The following ENOX1 variants were observed in gnomAD, a reference collection of about 807,000 sequenced individuals.
ENOX1 encodes the protein ecto-NOX disulfide-thiol exchanger 1.
Under a neutral mutation model 82.5 loss-of-function variants are expected in ENOX1, and 42 were observed. The observed-to-expected ratio is 0.51, with a 90% CI of 0.40 to 0.66. The LOEUF is 0.66. Among genes scored for constraint, ENOX1 ranks in the 30% least tolerant of loss-of-function variants. The probability of loss-of-function intolerance (pLI) is 0.00; values close to 1 mark genes in which losing one functional copy is unlikely to be tolerated. For missense variants in ENOX1, 608 were observed against 811.6 expected (o/e 0.75, Z 3.05); for synonymous variants, 271 against 282.2 (o/e 0.96, Z 0.40).
chr13:43,358,199 G>C lies in ENOX1; in HGVS notation c.589+1652C>G, dbSNP rs372137135. Among the ~76,000 whole-genome samples, 46 of 152,258 alleles carry C rather than the reference G, an allele frequency of 3.0e-4. 2 individuals are homozygous for C. The East Asian group carries it at 8.1e-3, about 27-fold the overall frequency. On this transcript the variant is annotated intron_variant, in intron 7 of 16. Transcript: ENST00000690772. Reference sequence around the variant, plus strand: ...AGTGTCTTATGAGGCTTCTGATTGGGTGTGAACATTGTGTTGTATTAGTGT... The same window carrying C: ...AGTGTCTTATGAGGCTTCTGATTGGCTGTGAACATTGTGTTGTATTAGTGT...
intron 2 of ENOX1, among the ~76,000 whole-genome samples, chr13:43,623,248 C>T (rs192845185): frequency 2.0e-5 from 3 of 152,244 alleles, no homozygotes; most frequent in Admixed American, 6.5e-5. Flanking sequence ...ACCGGATTTG[C>T]GCCCTCCTTT....
rs538836782 is a variant in ENOX1 at position 43,348,276 on chromosome 13, C to T, written c.824-3526G>A. 1.9e-4 allele frequency among the ~76,000 whole-genome samples: 29 copies of T among 152,326 alleles called. No individual in the cohort carries two copies. The South Asian group carries it at 5.0e-3, about 26-fold the overall frequency. ...CATATCCTGCTATTAAAGCATTAGT[C>T]GCACTGTATGGTAATTGTTGGTTTA... On this transcript the variant is annotated intron_variant, in intron 8 of 16. Coordinates refer to ENST00000690772, the MANE Select transcript of ENOX1 (RefSeq NM_001347969.2).
chr13:43,392,780 A>T (rs956067869), intron 5 of ENOX1, among the ~76,000 whole-genome samples: 3 of 152,202 alleles, frequency 2.0e-5, no homozygotes, highest in Non-Finnish European at 4.4e-5. Flanking sequence ...TTTTGGTTTC[A>T]TGTTTACAAA....
At chr13:43,541,075 CTGT>C (rs1378127668) in intron 2 of ENOX1, among the ~76,000 whole-genome samples, 3 of 150,904 alleles carry the variant, frequency 2.0e-5, no homozygotes, top group Non-Finnish European at 4.4e-5. Context: ...CTGCATATCA[CTGT>C]TGTCTTATTT....
intron 3 of ENOX1, among the ~76,000 whole-genome samples, chr13:43,419,970 C>T (rs2054878029): frequency 6.6e-6 from 1 of 152,080 alleles, no homozygotes; most frequent in Non-Finnish European, 1.5e-5. Context: ...AACTCCATCT[C>T]AAAAAGAAAA....
chr13:43,719,679 G>A (rs1395557649), intron 1 of ENOX1, among the ~76,000 whole-genome samples: 1 of 151,984 alleles, frequency 6.6e-6, no homozygotes, highest in East Asian at 1.9e-4. Context: ...ACCAAGTGTG[G>A]ACAGTCTCGG....
chr13:43,268,564 C>A (rs2044510180), intron 13 of ENOX1, among the ~76,000 whole-genome samples: 1 of 151,524 alleles, frequency 6.6e-6, no homozygotes, highest in Admixed American at 6.6e-5. Flanking sequence ...TTTTCTGGAC[C>A]CCAAACCATT....
intron 2 of ENOX1, among the ~76,000 whole-genome samples, chr13:43,637,457 C>T (rs948214895): frequency 6.6e-6 from 1 of 152,152 alleles, no homozygotes; most frequent in East Asian, 1.9e-4. Context: ...CTCAAAAACA[C>T]TGGTCCCAAA....
At chr13:43,587,219 G>A (rs550461283) in intron 2 of ENOX1, among the ~76,000 whole-genome samples, 43 of 152,266 alleles carry the variant, frequency 2.8e-4, no homozygotes, top group Non-Finnish European at 4.1e-4. Context: ...GAGGACCCAC[G>A]CAAAACTACT....
At chr13:43,719,665 G>T (rs1042827562) in intron 1 of ENOX1, among the ~76,000 whole-genome samples, 1 of 152,024 alleles carries the variant, frequency 6.6e-6, no homozygotes, top group African/African-American at 2.4e-5. Flanking sequence ...CCCTAACGTA[G>T]CGCACCAAGT....
At chr13:43,731,611 T>A (rs1428114828) in intron 1 of ENOX1, among the ~76,000 whole-genome samples, 1 of 151,900 alleles carries the variant, frequency 6.6e-6, no homozygotes, top group Non-Finnish European at 1.5e-5. Context: ...TATTAAAACA[T>A]ACTTCACATT....
intron 2 of ENOX1, among the ~76,000 whole-genome samples, chr13:43,626,861 T>C (rs2082987429): frequency 6.6e-6 from 1 of 151,960 alleles, no homozygotes; most frequent in East Asian, 1.9e-4. Context: ...TGTATAACTG[T>C]CCTATCAACT....
Position 43,386,651 on chromosome 13 carries a change from G to A in ENOX1, c.209-25199C>T, listed in dbSNP as rs116293825. Among the ~76,000 whole-genome samples the A allele has an allele frequency of 2.5e-3, 388 of 152,228 alleles. 1 individual carries two copies. The highest frequency in any genetic ancestry group is 8.9e-3 in the African/African-American group (370 of 41,522). Reference sequence around the variant, plus strand: ...AAAATGGTAAGCATTGTGTTTGAACGATTAAAAAATCAGAAATAAAATTAC... The same window carrying A: ...AAAATGGTAAGCATTGTGTTTGAACAATTAAAAAATCAGAAATAAAATTAC... On this transcript the variant is annotated intron_variant, in intron 5 of 16. Coordinates refer to ENST00000690772, the MANE Select transcript of ENOX1 (RefSeq NM_001347969.2).
At chr13:43,287,067 T>C (rs189335963) in intron 12 of ENOX1, among the ~76,000 whole-genome samples, 3 of 152,304 alleles carry the variant, frequency 2.0e-5, no homozygotes, top group African/African-American at 7.2e-5. Flanking sequence ...GTTCTGACTC[T>C]ACATGGTGTA....
chr13:43,401,879 T>C lies in ENOX1; in HGVS notation c.208+10037A>G, dbSNP rs548754748. Among the ~76,000 whole-genome samples the C allele has an allele frequency of 3.0e-4, 46 of 151,920 alleles. 1 individual carries two copies. The highest frequency in any genetic ancestry group is 2.1e-4 in the South Asian group (1 of 4,820). ...GAGAATCAAACTGTTTCCAAGGAACTTGACTGCATCTCAAAACAAACAAAC... is the reference window on the plus strand; with the variant it reads ...GAGAATCAAACTGTTTCCAAGGAACCTGACTGCATCTCAAAACAAACAAAC... On this transcript the variant is annotated intron_variant, in intron 5 of 16. Coordinates refer to ENST00000690772, the MANE Select transcript of ENOX1 (RefSeq NM_001347969.2).
intron 2 of ENOX1, among the ~76,000 whole-genome samples, chr13:43,518,358 A>G (rs1347482868): frequency 6.6e-6 from 1 of 151,916 alleles, no homozygotes; most frequent in Non-Finnish European, 1.5e-5. Context: ...CAAATTTGTC[A>G]TACGTTCAAA....
intron 3 of ENOX1, among the ~76,000 whole-genome samples, chr13:43,413,226 T>A (rs2054242054): frequency 6.6e-6 from 1 of 152,124 alleles, no homozygotes; most frequent in African/African-American, 2.4e-5. Flanking sequence ...GCTGGCTGAA[T>A]AAACAGCCCC....
chr13:43,474,409 G>C (rs538936341), intron 3 of ENOX1, among the ~76,000 whole-genome samples: 20 of 152,118 alleles, frequency 1.3e-4, no homozygotes, highest in Non-Finnish European at 2.2e-4. Context: ...TTATGTCTAT[G>C]TCTCAAGTAT....
chr13:43,365,233 AAGGCAGTTG>A (rs1343477051), intron 5 of ENOX1, among the ~76,000 whole-genome samples: 3 of 152,228 alleles, frequency 2.0e-5, no homozygotes, highest in Non-Finnish European at 2.9e-5. Context: ...ATTTGAAAGA[AAGGCAGTTG>A]AGGCCTCTTG....
Sources: allele counts gnomAD v4.1 joint callset (sites outside exome capture counted in the v4.1 genomes callset), GRCh38; gene constraint gnomAD v4.1.1; transcripts MANE v1.5; gene names NCBI Gene and HGNC (gene_info 2026-07-23, HGNC 2026-07-21).